The following PARD3 variants were observed in gnomAD, a reference collection of about 807,000 sequenced individuals.
The protein encoded by PARD3 is par-3 family cell polarity regulator, also known as partitioning defective 3 homolog.
Under a neutral mutation model 155.4 loss-of-function variants are expected in PARD3, and 75 were observed. That is an observed-to-expected ratio of 0.48 (90% CI 0.40 to 0.58). The LOEUF is 0.58. PARD3 is among the 20% of genes least tolerant of loss of function. The pLI is 0.00. For missense variants in PARD3, 1,642 were observed against 1,721.7 expected (o/e 0.95, Z 0.82); for synonymous variants, 576 against 610.5 (o/e 0.94, Z 0.83).
intron 2 of PARD3, among the ~76,000 whole-genome samples, chr10:34,648,495 C>T (rs80346441): frequency 0.027 from 4,095 of 152,192 alleles, 100 homozygotes; most frequent in Non-Finnish European, 0.039. Flanking sequence ...ACAATTTTTC[C>T]ACAAATGGGG....
chr10:34,553,466 T>C (rs1020929163), intron 2 of PARD3, among the ~76,000 whole-genome samples: 6 of 152,052 alleles, frequency 3.9e-5, no homozygotes, highest in African/African-American at 9.7e-5. Context: ...ACTGTAAAAT[T>C]AGGGTATGGG....
chr10:34,372,193 C>G (rs1181725927), intron 12 of PARD3, among the ~76,000 whole-genome samples: 4 of 151,916 alleles, frequency 2.6e-5, no homozygotes, highest in African/African-American at 9.7e-5. Flanking sequence ...TAGCATTTCA[C>G]AACTCATGAA....
intron 22 of PARD3, among the ~76,000 whole-genome samples, chr10:34,151,913 C>G (rs1038643643): frequency 6.6e-6 from 1 of 152,112 alleles, no homozygotes; most frequent in Non-Finnish European, 1.5e-5. Flanking sequence ...TATTCTGTTA[C>G]TTATTCAAGA....
intron 22 of PARD3, among the ~76,000 whole-genome samples, chr10:34,158,782 G>A (rs950780553): frequency 9.9e-5 from 15 of 152,190 alleles, no homozygotes; most frequent in African/African-American, 3.1e-4. Flanking sequence ...TTCAACAAAG[G>A]AATGAATTCT....
chr10:34,283,476 A>AT (rs1201180272), intron 21 of PARD3, among the ~76,000 whole-genome samples: 1 of 152,150 alleles, frequency 6.6e-6, no homozygotes, highest in Non-Finnish European at 1.5e-5. Context: ...TCACTTAGAA[A>AT]AACGGTTTTC....
At chr10:34,462,473 AAT>A (rs1169695362) in intron 4 of PARD3, among the ~76,000 whole-genome samples, 1 of 151,742 alleles carries the variant, frequency 6.6e-6, no homozygotes, top group Non-Finnish European at 1.5e-5. Context: ...TTAGAAATAA[AAT>A]AGTGTTTTCA....
intron 21 of PARD3, among the ~76,000 whole-genome samples, chr10:34,281,985 C>G (rs923437828): frequency 1.3e-5 from 2 of 151,854 alleles, no homozygotes; most frequent in Non-Finnish European, 2.9e-5. Flanking sequence ...TTATTGATTA[C>G]TCCAGTCAAA....
chr10:34,600,875 C>G (rs1241939724), intron 2 of PARD3, among the ~76,000 whole-genome samples: 3 of 151,968 alleles, frequency 2.0e-5, no homozygotes, highest in African/African-American at 4.8e-5. Context: ...CAGGCTTGAC[C>G]TCTCAAGCTC....
At chr10:34,349,916 A>G (rs769804781) in intron 14 of PARD3, among the ~76,000 whole-genome samples, 1 of 152,234 alleles carries the variant, frequency 6.6e-6, no homozygotes, top group Non-Finnish European at 1.5e-5. Context: ...TAAAAATTCC[A>G]TTAAAAAGGA....
At chr10:34,206,129 G>A (rs2133370486) in intron 22 of PARD3, among the ~76,000 whole-genome samples, 1 of 152,330 alleles carries the variant, frequency 6.6e-6, no homozygotes, top group African/African-American at 2.4e-5. Flanking sequence ...CTTCACTTAA[G>A]TCCATGGAAG....
intron 22 of PARD3, among the ~76,000 whole-genome samples, chr10:34,171,324 G>A (rs958470730): frequency 6.6e-6 from 1 of 152,152 alleles, no homozygotes; most frequent in East Asian, 1.9e-4. Flanking sequence ...CACATAGAGA[G>A]AGGCTTTTGC....
At chr10:34,155,154 A>C (rs1263408587) in intron 22 of PARD3, among the ~76,000 whole-genome samples, 1 of 152,202 alleles carries the variant, frequency 6.6e-6, no homozygotes, top group African/African-American at 2.4e-5. Context: ...AATTGAAGTC[A>C]GGTTGAGCGG....
intron 1 of PARD3, among the ~76,000 whole-genome samples, chr10:34,768,554 G>A (rs186015928): frequency 1.2e-4 from 18 of 152,342 alleles, no homozygotes; most frequent in African/African-American, 4.1e-4. Flanking sequence ...GAGCAGAGGG[G>A]TGACTTTGAA....
At chr10:34,527,688 ACAAACCAATATTAG>A (rs2082572834) in intron 2 of PARD3, among the ~76,000 whole-genome samples, 1 of 152,240 alleles carries the variant, frequency 6.6e-6, no homozygotes, top group South Asian at 2.1e-4. Context: ...TCTGACAACC[ACAAACCAATATTAG>A]CAAAAGATCA....
chr10:34,376,794 T>C (rs981712685), intron 10 of PARD3, among the ~76,000 whole-genome samples: 1 of 150,162 alleles, frequency 6.7e-6, no homozygotes, highest in Non-Finnish European at 1.5e-5. Flanking sequence ...TATGAAACTA[T>C]AAGAAAAAAG....
At chr10:34,453,464 C>G (rs1458365961) in intron 4 of PARD3, among the ~76,000 whole-genome samples, 1 of 152,128 alleles carries the variant, frequency 6.6e-6, no homozygotes, top group Non-Finnish European at 1.5e-5. Context: ...GTGGCTTACA[C>G]CAATGTGGAT....
chr10:34,454,527 A>G (rs1362934321), intron 4 of PARD3, among the ~76,000 whole-genome samples: 3 of 152,208 alleles, frequency 2.0e-5, no homozygotes, highest in African/African-American at 7.2e-5. Flanking sequence ...CAAAAATTTT[A>G]AATCAAATAT....
At chr10:34,734,979 G>A (rs1286926462) in intron 1 of PARD3, among the ~76,000 whole-genome samples, 2 of 118,094 alleles carry the variant, frequency 1.7e-5, no homozygotes, top group African/African-American at 2.8e-5. Flanking sequence ...ATTACAAAGG[G>A]CTTATGGGAA....
chr10:34,698,510 C>A (rs1220612921), intron 1 of PARD3, among the ~76,000 whole-genome samples: 2 of 152,190 alleles, frequency 1.3e-5, no homozygotes, highest in Non-Finnish European at 2.9e-5. Context: ...GACCATCACA[C>A]CCCCAAAGCA....
Sources: gnomAD v4.1 joint callset for allele counts (sites outside exome capture counted in the v4.1 genomes callset) on GRCh38, gnomAD v4.1.1 for gene constraint, MANE v1.5 for transcripts, NCBI Gene and HGNC (gene_info 2026-07-23, HGNC 2026-07-21) for gene names.